Variants in VWF observed in about 807,000 individuals in gnomAD.
VWF encodes the protein von Willebrand factor, also known as Factor VIII related antigen.
Under a neutral mutation model 308.6 loss-of-function variants are expected in VWF, and 176 were observed. The observed-to-expected ratio is 0.57, with a 90% CI of 0.50 to 0.65. VWF has a LOEUF of 0.65. VWF is among the 30% of genes least tolerant of loss of function. The pLI is 0.00. For missense variants in VWF, 3,146 were observed against 3,648.2 expected, an observed-to-expected ratio of 0.86 and a Z score of 3.55; for synonymous variants, 1,385 against 1,443.4, an observed-to-expected ratio of 0.96 and a Z score of 0.92.
At chr12:6,092,614 T>TGAGTGAGTGAGAGAGA (rs71064187) in intron 6 of VWF, among the ~76,000 whole-genome samples, 5 of 86,058 alleles carry the variant, frequency 5.8e-5, no homozygotes, top group Admixed American at 1.2e-4. Context: ...AGTGAGTGAG[T>TGAGTGAGTGAGAGAGA]GAGAGTGTGT....
At chr12:6,101,649 G>A (rs1256790270) in intron 5 of VWF, among the ~76,000 whole-genome samples, 61 of 152,006 alleles carry the variant, frequency 4.0e-4, no homozygotes, top group Admixed American at 3.8e-3. Flanking sequence ...GGTGGCGGGC[G>A]CCTGTAGTCC....
chr12:6,036,239 A>G (rs2136432003), intron 19 of VWF, 149 bp downstream of exon 19: 3 of 708,954 alleles, frequency 4.2e-6, no homozygotes, highest in Non-Finnish European at 5.1e-6. Flanking sequence ...CATTTTACAG[A>G]TGGAGAAACA....
intron 47 of VWF, among the ~76,000 whole-genome samples, chr12:5,966,276 TACACACACACACACGC>T (rs969313899): frequency 1.3e-5 from 2 of 151,140 alleles, no homozygotes; most frequent in Admixed American, 1.3e-4. Context: ...TGTTACACAA[TACACACACACACACGC>T]ACACACACAC....
intron 47 of VWF, among the ~76,000 whole-genome samples, chr12:5,957,002 T>C (rs1298397685): frequency 6.6e-6 from 1 of 152,232 alleles, no homozygotes; most frequent in Non-Finnish European, 1.5e-5. Context: ...CCATTCTTGG[T>C]AAGTGCCCTA....
At chr12:6,070,535 G>T (rs534822665) in intron 10 of VWF, among the ~76,000 whole-genome samples, 1 of 152,286 alleles carries the variant, frequency 6.6e-6, no homozygotes, top group African/African-American at 2.4e-5. Context: ...AACCTCTCTA[G>T]GTCTGTTTCT....
At chr12:5,971,496 TG>T in intron 44 of VWF, 102 bp downstream of exon 44, 1 of 946,192 alleles carries the variant, frequency 1.1e-6, no homozygotes, top group African/African-American at 1.6e-5. Flanking sequence ...AAATGCCCAG[TG>T]GGGAAAGCAA....
chr12:6,026,820 T>C (rs1472428098), intron 22 of VWF, among the ~76,000 whole-genome samples: 3 of 152,164 alleles, frequency 2.0e-5, no homozygotes, highest in Admixed American at 2.0e-4. Context: ...ATATAGTAAC[T>C]ACCCTGATTT....
Position 6,063,836 on chromosome 12 carries a change from C to T in VWF, c.1432+410G>A, listed in dbSNP as rs1335660774. On this transcript the variant is annotated intron_variant, in intron 12 of 51. Transcript: ENST00000261405. This position sits in a 1 kb window ranked among gnomAD's most constrained non-coding sequence, Gnocchi z 4.9. The stretch of plus-strand genomic sequence containing the variant: ...GGTCACCTGGCCTCGCCCCAAGTGG[C>T]ATCCTCTGGTGTGACATCACCAGCC... Among the ~76,000 whole-genome samples the T allele has an allele frequency of 2.0e-5, 3 of 152,176 alleles. No individual in the cohort carries two copies. The East Asian group carries it at 5.8e-4, about 29-fold the overall frequency.
intron 38 of VWF, among the ~76,000 whole-genome samples, chr12:5,990,721 C>T (rs1038471436): frequency 4.6e-5 from 7 of 151,878 alleles, no homozygotes; most frequent in Non-Finnish European, 7.4e-5. Context: ...CACATGTACA[C>T]GTTCACATGT....
intron 3 of VWF, among the ~76,000 whole-genome samples, chr12:6,120,315 T>G (rs1290316996): frequency 1.3e-5 from 2 of 151,998 alleles, no homozygotes; most frequent in Non-Finnish European, 2.9e-5. Context: ...AGTTTTTTTG[T>G]TTTTTGTGGG....
intron 43 of VWF, 78 bp from the exon 44 acceptor site, chr12:5,971,787 C>T (rs1174816867): frequency 6.2e-5 from 79 of 1,270,008 alleles, no homozygotes; most frequent in Middle Eastern, 3.6e-4. Context: ...CTCCTGCGTA[C>T]TGAGCCCTGG....
Position 6,087,725 on chromosome 12 carries a change from A to G in VWF, c.657+7735T>C, listed in dbSNP as rs577106701. ...CTGTCTACCCAGACACAGTTTGTGGAGAGCATTCATGCGGCAGGTAGGGGG... is the reference window on the plus strand; with the variant it reads ...CTGTCTACCCAGACACAGTTTGTGGGGAGCATTCATGCGGCAGGTAGGGGG... On this transcript the variant is annotated intron_variant, in intron 6 of 51. Transcript: ENST00000261405. Among the ~76,000 whole-genome samples the G allele has an allele frequency of 5.8e-4, 88 of 152,164 alleles. 1 individual carries two copies. Among genetic ancestry groups the G allele is most frequent in the African/African-American group, 2.1e-3 (88 of 41,504 alleles).
intron 47 of VWF, among the ~76,000 whole-genome samples, chr12:5,954,055 C>G (rs1047038154): frequency 6.6e-6 from 1 of 152,168 alleles, no homozygotes; most frequent in Admixed American, 6.5e-5. Context: ...CTGCTTATCA[C>G]CAAATCTTGC....
intron 18 of VWF, among the ~76,000 whole-genome samples, chr12:6,036,968 A>C (rs1944343980): frequency 6.6e-6 from 1 of 152,222 alleles, no homozygotes; most frequent in Non-Finnish European, 1.5e-5. Context: ...CTTAATAGGA[A>C]AATGACTAAA....
chr12:6,035,454 G>T (rs1944325416), intron 19 of VWF, among the ~76,000 whole-genome samples: 1 of 152,276 alleles, frequency 6.6e-6, no homozygotes, highest in Non-Finnish European at 1.5e-5. Context: ...GTCAGAGGTG[G>T]TAAGCTCAGA....
chr12:6,060,928 T>C lies in VWF; in HGVS notation c.1533+2026A>G, dbSNP rs912449806. Among the ~76,000 whole-genome samples, 13 of 152,066 alleles carry C rather than the reference T, an allele frequency of 8.5e-5. No individual in the cohort carries two copies. Among genetic ancestry groups the C allele is most frequent in the Non-Finnish European group, 1.2e-4 (8 of 68,008 alleles). ...AGAAAGTGGACTGGCTGGCCGGGCG[T>C]GGTGGCTCATGCCCGTAATCCCAGC... On this transcript the variant is annotated intron_variant, in intron 13 of 51. Coordinates refer to ENST00000261405, the MANE Select transcript of VWF (RefSeq NM_000552.5). This position sits in a 1 kb window ranked among gnomAD's most constrained non-coding sequence, Gnocchi z 5.1.
rs1944834993 is a variant in VWF, at chr12:6,075,690, T to A, written c.658-139A>T. 1 of 874,422 alleles carries A rather than the reference T, an allele frequency of 1.1e-6. No homozygotes were observed. The highest frequency in any genetic ancestry group is 1.9e-6 in the Non-Finnish European group (1 of 537,286). 54.2% of individuals were successfully genotyped at this position (874,422 alleles called of 1,614,324 possible). On this transcript the variant is annotated intron_variant, in intron 6 of 51. Transcript: ENST00000261405. The surrounding 1 kb of genome is among the most constrained non-coding windows in gnomAD (Gnocchi z 4.7). The stretch of plus-strand genomic sequence containing the variant: ...GGCTGGCACCAAGCACATGCATGTG[T>A]TCAATGCACCAGCCCATCGACCAAG...
intron 47 of VWF, 42 bp from the exon 48 acceptor site, chr12:5,953,636 TA>T: frequency 6.6e-7 from 1 of 1,509,940 alleles, no homozygotes; most frequent in Non-Finnish European, 9.2e-7. Context: ...TTAACCTCCT[TA>T]AAACATCCCA....
chr12:6,072,294 G>A, intron 9 of VWF, 37 bp downstream of exon 9: 1 of 1,595,682 alleles, frequency 6.3e-7, no homozygotes, highest in Non-Finnish European at 8.6e-7. Flanking sequence ...AGTCCCCCAG[G>A]CAGGTCTCCC....
Sources: allele counts gnomAD v4.1 joint callset (sites outside exome capture counted in the v4.1 genomes callset), GRCh38; gene constraint gnomAD v4.1.1; non-coding constraint Gnocchi (gnomAD v3.1); transcripts MANE v1.5; gene names NCBI Gene and HGNC (gene_info 2026-07-23, HGNC 2026-07-21).